C10orf90: variants seen among roughly 807,000 people sequenced by gnomAD.
C10orf90 encodes the protein (E2-independent) E3 ubiquitin-conjugating enzyme FATS.
C10orf90 carries 56 observed loss-of-function variants against 62.5 expected under a neutral mutation model. The ratio of observed to expected loss-of-function variants is 0.90; its 90% CI spans 0.72 to 1.12. The LOEUF (loss-of-function observed/expected upper bound fraction) is 1.12. C10orf90 is among the 50% of genes most tolerant of loss of function. The probability of loss-of-function intolerance (pLI) is 0.00; values close to 1 mark genes in which losing one functional copy is unlikely to be tolerated. For synonymous variants in C10orf90, 386 were observed against 340.4 expected (o/e 1.13, Z -1.47); for missense variants, 970 against 880.4 (o/e 1.10, Z -1.29).
At chr10:126,518,737 A>G (rs897824329) in intron 2 of C10orf90, among the ~76,000 whole-genome samples, 2 of 152,138 alleles carry the variant, frequency 1.3e-5, no homozygotes, top group Non-Finnish European at 2.9e-5. Flanking sequence ...CTTCTCTCCT[A>G]AGATGACTGG....
intron 2 of C10orf90, among the ~76,000 whole-genome samples, chr10:126,598,240 C>G (rs1200450516): frequency 6.6e-6 from 1 of 152,160 alleles, no homozygotes; most frequent in Non-Finnish European, 1.5e-5. Flanking sequence ...GCACTACCCA[C>G]TCCTGGCCCT....
At chr10:126,575,037 A>G (rs1283318667) in intron 2 of C10orf90, among the ~76,000 whole-genome samples, 2 of 152,172 alleles carry the variant, frequency 1.3e-5, no homozygotes, top group Admixed American at 6.5e-5. Context: ...AATAAAAAAC[A>G]GAAGCATTAG....
chr10:126,652,877 A>T (rs984148195), intron 1 of C10orf90, among the ~76,000 whole-genome samples: 1 of 152,200 alleles, frequency 6.6e-6, no homozygotes, highest in African/African-American at 2.4e-5. Flanking sequence ...TTACAGGCAT[A>T]CCTCAGAGAT....
chr10:126,514,009 T>C, intron 2 of C10orf90, 70 bp from the exon 3 acceptor site: 1 of 1,134,418 alleles, frequency 8.8e-7, no homozygotes. Context: ...ATAACTCTAC[T>C]GTAAAATTTA....
chr10:126,573,940 T>C (rs1343021502), intron 2 of C10orf90, among the ~76,000 whole-genome samples: 4 of 152,208 alleles, frequency 2.6e-5, no homozygotes, highest in Non-Finnish European at 4.4e-5. Context: ...TCCCCTGCTC[T>C]GGGGGACTTA....
intron 1 of C10orf90, 45 bp downstream of exon 1, chr10:126,670,196 C>G (rs1421221826): frequency 2.2e-6 from 1 of 449,684 alleles, no homozygotes; most frequent in East Asian, 7.0e-5. Context: ...CCATCTCTCT[C>G]TGAGTCAAGC....
At chr10:126,467,647 C>A (rs964620539) in intron 4 of C10orf90, among the ~76,000 whole-genome samples, 1 of 152,138 alleles carries the variant, frequency 6.6e-6, no homozygotes, top group African/African-American at 2.4e-5. Flanking sequence ...TCATGAATGT[C>A]CTTTAAACAG....
At position 126,577,420 on chromosome 10, in the gene C10orf90, A is replaced by G. The variant is rs544851361; in HGVS notation, c.314-63481T>C. Among the ~76,000 whole-genome samples the G allele has an allele frequency of 1.5e-3, 227 of 152,110 alleles. 1 individual carries two copies. Among genetic ancestry groups the G allele is most frequent in the African/African-American group, 5.2e-3 (215 of 41,566 alleles). On this transcript the variant is annotated intron_variant, in intron 2 of 9. Transcript: ENST00000488181. ...GAAATGAATAGAAAACAAAAAAAAAATCTTATTTTAATAACATTTAGAAAT... is the reference window on the plus strand; with the variant it reads ...GAAATGAATAGAAAACAAAAAAAAAGTCTTATTTTAATAACATTTAGAAAT...
intron 2 of C10orf90, among the ~76,000 whole-genome samples, chr10:126,609,038 C>A (rs1339068175): frequency 2.6e-5 from 4 of 152,162 alleles, no homozygotes; most frequent in Non-Finnish European, 5.9e-5. Context: ...AGCTGTATGG[C>A]CTTGGGCAAG....
At chr10:126,559,310 T>C (rs982929056) in intron 2 of C10orf90, among the ~76,000 whole-genome samples, 2 of 152,222 alleles carry the variant, frequency 1.3e-5, no homozygotes, top group African/African-American at 4.8e-5. Flanking sequence ...CACCTATTCT[T>C]ACATAGTAAA....
At chr10:126,454,941 C>T (rs539644260) in intron 7 of C10orf90, among the ~76,000 whole-genome samples, 18 of 152,154 alleles carry the variant, frequency 1.2e-4, no homozygotes, top group South Asian at 8.3e-4. Context: ...TACCTAATGT[C>T]GGAGACTTGA....
intron 7 of C10orf90, among the ~76,000 whole-genome samples, chr10:126,450,326 CACAGAAATAGAAAAT>C: frequency 6.6e-6 from 1 of 152,268 alleles, no homozygotes; most frequent in African/African-American, 2.4e-5. Context: ...TGACATTTTT[CACAGAAATAGAAAAT>C]GCAATCTTAA....
At chr10:126,444,062 CA>C (rs1288328320) in intron 7 of C10orf90, among the ~76,000 whole-genome samples, 1 of 151,990 alleles carries the variant, frequency 6.6e-6, no homozygotes, top group Non-Finnish European at 1.5e-5. Context: ...CCACAGCCAA[CA>C]AAATACTGAA....
chr10:126,594,337 G>T (rs898087656), intron 2 of C10orf90, among the ~76,000 whole-genome samples: 1 of 152,130 alleles, frequency 6.6e-6, no homozygotes, highest in Admixed American at 6.5e-5. Flanking sequence ...AATACTCAGA[G>T]AAAGGACTAG....
chr10:126,516,311 T>G (rs1323240484), intron 2 of C10orf90, among the ~76,000 whole-genome samples: 1 of 152,184 alleles, frequency 6.6e-6, no homozygotes, highest in Non-Finnish European at 1.5e-5. Context: ...ATGACACCAG[T>G]TGTGATTGGC....
At chr10:126,445,398 C>A (rs1325248896) in intron 7 of C10orf90, among the ~76,000 whole-genome samples, 1 of 151,928 alleles carries the variant, frequency 6.6e-6, no homozygotes, top group Non-Finnish European at 1.5e-5. Flanking sequence ...AAATGGCCAA[C>A]AAACATATGA....
At chr10:126,459,329 A>C in intron 6 of C10orf90, 112 bp from the exon 7 acceptor site, 1 of 1,205,262 alleles carries the variant, frequency 8.3e-7, no homozygotes, top group Non-Finnish European at 1.2e-6. Flanking sequence ...CAGAGACCAA[A>C]AGCCACGGTG....
Position 126,486,419 on chromosome 10 carries a change from C to A in C10orf90, c.1534+17538G>T, listed in dbSNP as rs189043843. ...GATCATAGTAACAATATATATGGAC[C>A]AGAAATCTTAATAATATAAGAAACA... On this transcript the variant is annotated intron_variant, in intron 4 of 9. Coordinates refer to ENST00000488181, the MANE Select transcript of C10orf90 (RefSeq NM_001350921.2). Among the ~76,000 whole-genome samples, 31 of 152,158 alleles carry A rather than the reference C, an allele frequency of 2.0e-4. No homozygotes were observed. In the East Asian group the frequency reaches 5.8e-3, roughly 28 times the overall value.
intron 2 of C10orf90, among the ~76,000 whole-genome samples, chr10:126,621,769 T>C (rs1845648200): frequency 6.6e-6 from 1 of 152,250 alleles, no homozygotes; most frequent in South Asian, 2.1e-4. Context: ...TTCCTCTGTA[T>C]GATTAATGTA....
Sources: allele counts gnomAD v4.1 joint callset (sites outside exome capture counted in the v4.1 genomes callset), GRCh38; gene constraint gnomAD v4.1.1; transcripts MANE v1.5; gene names NCBI Gene and HGNC (gene_info 2026-07-23, HGNC 2026-07-21).